The following DPP6 variants were observed in gnomAD, a reference collection of about 807,000 sequenced individuals.
The protein encoded by DPP6 is dipeptidyl peptidase like 6.
DPP6 carries 69 observed loss-of-function variants against 122.6 expected under a neutral mutation model. The observed-to-expected ratio is 0.56, with a 90% CI of 0.46 to 0.69. The LOEUF is 0.69. Among genes scored for constraint, DPP6 ranks in the 30% least tolerant of loss-of-function variants. The pLI, the probability that DPP6 is intolerant of heterozygous loss-of-function variation, is 0.00. For missense variants in DPP6, 928 were observed against 1,116.9 expected, an observed-to-expected ratio of 0.83 and a Z score of 2.41; for synonymous variants, 418 against 433.1, an observed-to-expected ratio of 0.97 and a Z score of 0.43.
At chr7:154,226,142 G>A (rs1800586720) in intron 1 of DPP6, among the ~76,000 whole-genome samples, 1 of 152,146 alleles carries the variant, frequency 6.6e-6, no homozygotes, top group African/African-American at 2.4e-5. Flanking sequence ...AACAGGGGAG[G>A]AGAAACCATG....
intron 1 of DPP6, among the ~76,000 whole-genome samples, chr7:153,906,867 G>T (rs906310490): frequency 6.6e-6 from 1 of 152,144 alleles, no homozygotes; most frequent in African/African-American, 2.4e-5. Context: ...GTATTCCATC[G>T]TGTATACGTA....
chr7:154,662,309 G>A (rs1164394936), intron 6 of DPP6, among the ~76,000 whole-genome samples: 2 of 151,704 alleles, frequency 1.3e-5, no homozygotes, highest in African/African-American at 4.9e-5. Context: ...TGTTCATATA[G>A]TCATGGTGAA....
chr7:154,158,677 T>C (rs1796820085), intron 1 of DPP6, among the ~76,000 whole-genome samples: 1 of 151,992 alleles, frequency 6.6e-6, no homozygotes, highest in Non-Finnish European at 1.5e-5. Context: ...AGTAGAATAA[T>C]AAAAGCTGAA....
intron 5 of DPP6, among the ~76,000 whole-genome samples, chr7:154,628,427 C>T (rs1217930190): frequency 6.6e-6 from 1 of 152,206 alleles, no homozygotes; most frequent in Non-Finnish European, 1.5e-5. Flanking sequence ...AAGCATCTCT[C>T]AGGTAGCTTT....
At chr7:154,567,398 G>A (rs1245025182) in intron 5 of DPP6, among the ~76,000 whole-genome samples, 2 of 152,070 alleles carry the variant, frequency 1.3e-5, no homozygotes, top group African/African-American at 4.8e-5. Context: ...GTATATATGA[G>A]CCTCCCATAA....
At chr7:153,844,550 T>C in the DPP6 span, among the ~76,000 whole-genome samples, 65 of 152,326 alleles carry the variant, frequency 4.3e-4, 1 homozygote, top group African/African-American at 1.1e-3. Context: ...ATTAGAACCA[T>C]TGATGATTTT....
intron 8 of DPP6, among the ~76,000 whole-genome samples, chr7:154,744,744 C>A (rs1434710260): frequency 6.6e-6 from 1 of 152,162 alleles, no homozygotes; most frequent in African/African-American, 2.4e-5. Flanking sequence ...AATGAGGCCA[C>A]GTATTTCGGA....
chr7:153,845,204 C>T, the DPP6 span, among the ~76,000 whole-genome samples: 130 of 152,170 alleles, frequency 8.5e-4, 2 homozygotes, highest in African/African-American at 3.0e-3. Context: ...AGGTCAACCT[C>T]GCTTTTACTT....
intron 5 of DPP6, among the ~76,000 whole-genome samples, chr7:154,627,189 CTT>C (rs61163075): frequency 1.9e-5 from 2 of 103,444 alleles, no homozygotes; most frequent in Non-Finnish European, 3.7e-5. Flanking sequence ...ATTTTTTTTC[CTT>C]TTTTTTTTTT....
At chr7:154,115,733 G>C (rs1806939148) in intron 1 of DPP6, among the ~76,000 whole-genome samples, 1 of 152,142 alleles carries the variant, frequency 6.6e-6, no homozygotes, top group Non-Finnish European at 1.5e-5. Flanking sequence ...ACATTTGGTT[G>C]GTTGACTTTG....
At chr7:153,928,973 TTGG>T in intron 1 of DPP6, among the ~76,000 whole-genome samples, 1 of 152,116 alleles carries the variant, frequency 6.6e-6, no homozygotes, top group East Asian at 1.9e-4. Context: ...ATGGGAGATC[TTGG>T]TGGGAGAGGT....
At chr7:154,301,838 GCTGTCACCCAGCT>G (rs922796569) in intron 1 of DPP6, among the ~76,000 whole-genome samples, 1 of 125,834 alleles carries the variant, frequency 7.9e-6, no homozygotes, top group Non-Finnish European at 1.6e-5. Context: ...TCTCACCCGG[GCTGTCACCCAGCT>G]CTGTCACCCA....
intron 1 of DPP6, among the ~76,000 whole-genome samples, chr7:153,909,859 C>T (rs1465501628): frequency 6.6e-6 from 1 of 152,136 alleles, no homozygotes; most frequent in Non-Finnish European, 1.5e-5. Flanking sequence ...CCAGGGACTG[C>T]TGGCTGATAT....
At chr7:154,208,795 A>G (rs980205502) in intron 1 of DPP6, among the ~76,000 whole-genome samples, 3 of 152,094 alleles carry the variant, frequency 2.0e-5, no homozygotes, top group African/African-American at 7.2e-5. Context: ...GGGCAGCCTC[A>G]GTCTGGATCT....
At chr7:154,569,229 A>G (rs1247001205) in intron 5 of DPP6, among the ~76,000 whole-genome samples, 1 of 152,068 alleles carries the variant, frequency 6.6e-6, no homozygotes, top group East Asian at 1.9e-4. Flanking sequence ...GGAAGAGTCT[A>G]GGTCTGTGAT....
At chr7:153,850,934 G>A in the DPP6 span, among the ~76,000 whole-genome samples, 1 of 152,130 alleles carries the variant, frequency 6.6e-6, no homozygotes, top group East Asian at 1.9e-4. Flanking sequence ...TGTCCCAGGA[G>A]GTAAGAATCC....
intron 3 of DPP6, among the ~76,000 whole-genome samples, chr7:154,503,544 C>T (rs1825425158): frequency 6.6e-6 from 1 of 152,194 alleles, no homozygotes; most frequent in South Asian, 2.1e-4. Context: ...AAGAATACAA[C>T]TTTTGCTTTA....
At chr7:153,898,046 C>T (rs538197216) in intron 1 of DPP6, among the ~76,000 whole-genome samples, 1 of 152,252 alleles carries the variant, frequency 6.6e-6, no homozygotes, top group Non-Finnish European at 1.5e-5. Flanking sequence ...AGAAAAGGAA[C>T]CATCAAGAGG....
At chr7:153,797,597 G>C in the DPP6 span, among the ~76,000 whole-genome samples, 1 of 152,128 alleles carries the variant, frequency 6.6e-6, no homozygotes, top group Non-Finnish European at 1.5e-5. Flanking sequence ...CAGCCTTCTA[G>C]CAAGCTGACT....
Sources: gnomAD v4.1 joint callset for allele counts (sites outside exome capture counted in the v4.1 genomes callset) on GRCh38, gnomAD v4.1.1 for gene constraint, MANE v1.5 for transcripts, NCBI Gene and HGNC (gene_info 2026-07-23, HGNC 2026-07-21) for gene names.